The following GLIS3 variants were observed in gnomAD, a reference collection of about 807,000 sequenced individuals.
GLIS3 encodes zinc finger protein GLIS3.
In GLIS3, 53 loss-of-function variants were observed where a neutral mutation model predicts 78.6. The ratio of observed to expected loss-of-function variants is 0.67; its 90% CI spans 0.54 to 0.85. GLIS3 has a LOEUF of 0.85. Among genes scored for constraint, GLIS3 ranks in the 40% least tolerant of loss-of-function variants. The probability of loss-of-function intolerance (pLI) is 0.00; values close to 1 mark genes in which losing one functional copy is unlikely to be tolerated. For synonymous variants in GLIS3, 684 were observed against 509.9 expected (o/e 1.34, Z -4.60); for missense variants, 1,703 against 1,231.1 (o/e 1.38, Z -5.74).
intron 4 of GLIS3, among the ~76,000 whole-genome samples, chr9:3,999,168 T>C (rs567212327): frequency 3.3e-5 from 5 of 152,322 alleles, no homozygotes; most frequent in African/African-American, 9.6e-5. Context: ...GCCATGGTAA[T>C]TGAACCAATC....
At chr9:4,165,812 G>C (rs78458808) in intron 2 of GLIS3, among the ~76,000 whole-genome samples, 5,240 of 152,242 alleles carry the variant, frequency 0.034, 101 homozygotes, top group African/African-American at 0.051. Context: ...CTTCAATTGG[G>C]TGAGATTGCT....
rs367632586 is a variant in GLIS3 at position 4,069,408 on chromosome 9, T to C, written c.1710+48360A>G. Among the ~76,000 whole-genome samples the C allele has an allele frequency of 1.2e-3, 182 of 152,274 alleles. 1 individual carries two copies. Among genetic ancestry groups the C allele is most frequent in the African/African-American group, 4.1e-3 (171 of 41,550 alleles). On this transcript the variant is annotated intron_variant, in intron 4 of 10. Coordinates refer to ENST00000381971, the MANE Select transcript of GLIS3 (RefSeq NM_001042413.2). ...TTGCTATCTCCAGGAGAGAGCAAGATTGGAGATAAGATACCTATATATAAA... is the reference window on the plus strand; with the variant it reads ...TTGCTATCTCCAGGAGAGAGCAAGACTGGAGATAAGATACCTATATATAAA...
chr9:3,874,504 G>A (rs1274158813), intron 8 of GLIS3, among the ~76,000 whole-genome samples: 1 of 152,212 alleles, frequency 6.6e-6, no homozygotes, highest in Non-Finnish European at 1.5e-5. Flanking sequence ...CCGGAGGAGG[G>A]GGCTGTGGAA....
rs150932149 is a variant in GLIS3 at position 3,868,566 on chromosome 9, A to G, written c.2297+10861T>C. 1.1e-4 allele frequency among the ~76,000 whole-genome samples: 16 copies of G among 152,292 alleles called. No individual in the cohort carries two copies. In the East Asian group the frequency reaches 3.1e-3, roughly 29 times the overall value. ...CTTTGGCTATTTGAGAACAAGATGA[A>G]CCATTTTTCAATTCTTTGTCTTTTT... On this transcript the variant is annotated intron_variant, in intron 8 of 10. Transcript: ENST00000381971.
At chr9:3,982,575 T>G (rs1180320975) in intron 4 of GLIS3, among the ~76,000 whole-genome samples, 1 of 152,190 alleles carries the variant, frequency 6.6e-6, no homozygotes, top group Non-Finnish European at 1.5e-5. Context: ...ACTTCATGAA[T>G]GCAGGAAAAA....
chr9:4,400,078 G>A, the GLIS3 span, among the ~76,000 whole-genome samples: 1 of 152,218 alleles, frequency 6.6e-6, no homozygotes, highest in South Asian at 2.1e-4. Context: ...CATGTAACGA[G>A]TTTGCTCCTA....
chr9:3,829,371 G>C lies in GLIS3; in HGVS notation c.2595C>G (p.Ser865=). Residue 865 remains serine (S), a synonymous_variant, in exon 10 of 11, where the codon TCC becomes TCG. Coordinates refer to ENST00000381971, the MANE Select transcript of GLIS3 (RefSeq NM_001042413.2). ...PSFEDCLVPT[S]MGQASFDVFH... is the part of the protein sequence containing the mutation. Reference sequence around the variant, plus strand: ...AAACATCAAAACTGGCCTGGCCCATGGATGTAGGGACTAGGCAGTCCTCAA... The same window carrying C: ...AAACATCAAAACTGGCCTGGCCCATCGATGTAGGGACTAGGCAGTCCTCAA... 1 of 1,614,036 alleles carries C rather than the reference G, an allele frequency of 6.2e-7. No homozygotes were observed. Among genetic ancestry groups the C allele is most frequent in the Middle Eastern group, 1.6e-4 (1 of 6,062 alleles).
At chr9:4,278,737 A>G (rs1587279340) in intron 2 of GLIS3, among the ~76,000 whole-genome samples, 1 of 152,238 alleles carries the variant, frequency 6.6e-6, no homozygotes, top group East Asian at 1.9e-4. Flanking sequence ...GGAGGACAAG[A>G]TATTCGCACA....
At chr9:4,285,104 T>C (rs1399417632) in intron 2 of GLIS3, among the ~76,000 whole-genome samples, 3 of 152,244 alleles carry the variant, frequency 2.0e-5, no homozygotes, top group Admixed American at 1.3e-4. Context: ...TGAAGGTTGC[T>C]AGTAATTCTA....
At chr9:4,125,659 C>T in intron 3 of GLIS3, 75 bp downstream of exon 3, 4 of 889,944 alleles carry the variant, frequency 4.5e-6, no homozygotes, top group Non-Finnish European at 7.3e-6. Flanking sequence ...TGTGTGTATT[C>T]AGAAAGAGAA....
At chr9:4,300,667 G>T (rs1246196886), upstream of GLIS3, among the ~76,000 whole-genome samples, 1 of 151,894 alleles carries the variant, frequency 6.6e-6, no homozygotes, top group Non-Finnish European at 1.5e-5. Flanking sequence ...CTATAAAGTG[G>T]CACTTTATCC....
intron 2 of GLIS3, among the ~76,000 whole-genome samples, chr9:4,186,892 T>G (rs1401337017): frequency 6.6e-6 from 1 of 152,238 alleles, no homozygotes; most frequent in Non-Finnish European, 1.5e-5. Flanking sequence ...ATTCTGGATA[T>G]TAGCCCTATG....
chr9:4,113,698 A>T (rs1831407305), intron 4 of GLIS3, among the ~76,000 whole-genome samples: 2 of 152,220 alleles, frequency 1.3e-5, no homozygotes, highest in Admixed American at 1.3e-4. Flanking sequence ...TTATGAGGCC[A>T]AAGCTGGCTT....
chr9:4,404,183 T>C, the GLIS3 span, among the ~76,000 whole-genome samples: 3 of 152,164 alleles, frequency 2.0e-5, no homozygotes, highest in Non-Finnish European at 2.9e-5. Context: ...CAATTGTAAA[T>C]ATATATGCAC....
chr9:4,214,548 G>T (rs764298678), intron 2 of GLIS3, among the ~76,000 whole-genome samples: 1 of 152,130 alleles, frequency 6.6e-6, no homozygotes. Flanking sequence ...AAGCTCCCAC[G>T]CCAGGAGGAA....
At chr9:4,251,243 G>A (rs142059378) in intron 2 of GLIS3, among the ~76,000 whole-genome samples, 35 of 152,196 alleles carry the variant, frequency 2.3e-4, no homozygotes, top group African/African-American at 7.7e-4. Context: ...CGGACTCTAC[G>A]TCTCTTTGTA....
chr9:3,927,579 G>A (rs1265141059), intron 6 of GLIS3, among the ~76,000 whole-genome samples: 3 of 152,202 alleles, frequency 2.0e-5, no homozygotes, highest in Non-Finnish European at 2.9e-5. Context: ...CCCCAGAGAT[G>A]GTGGTAGATA....
intron 4 of GLIS3, among the ~76,000 whole-genome samples, chr9:3,969,966 A>T: frequency 6.6e-6 from 1 of 152,208 alleles, no homozygotes; most frequent in Non-Finnish European, 1.5e-5. Context: ...GACAAATGCT[A>T]CCTATGATAA....
chr9:4,327,916 T>G (rs1817626322), intron 2 of GLIS3, among the ~76,000 whole-genome samples: 1 of 152,188 alleles, frequency 6.6e-6, no homozygotes, highest in Non-Finnish European at 1.5e-5. Flanking sequence ...TCCAAGTTAA[T>G]TCTGCTGAAA....
Sources: allele counts gnomAD v4.1 joint callset (sites outside exome capture counted in the v4.1 genomes callset), GRCh38; gene constraint gnomAD v4.1.1; transcripts MANE v1.5; gene names NCBI Gene and HGNC (gene_info 2026-07-23, HGNC 2026-07-21).